TMEM190: variants seen among roughly 807,000 people sequenced by gnomAD.
TMEM190 encodes the protein transmembrane protein 190.
In TMEM190, 17 loss-of-function variants were observed where a neutral mutation model predicts 17.1. The observed-to-expected ratio is 0.99, with a 90% CI of 0.68 to 1.49. The LOEUF (loss-of-function observed/expected upper bound fraction) is 1.49. Ranked by LOEUF, TMEM190 falls within the 40% of genes most tolerant of loss-of-function variation. TMEM190 has a pLI of 0.00. For missense variants in TMEM190, 246 were observed against 245.0 expected, an observed-to-expected ratio of 1.00 and a Z score of -0.03; for synonymous variants, 101 against 103.8, an observed-to-expected ratio of 0.97 and a Z score of 0.16.
rs1028769211 is a variant in TMEM190 at position 55,377,902 on chromosome 19, A to G, written c.305+16A>G. The stretch of plus-strand genomic sequence containing the variant: ...GCTTGTTCTGGCGAGTGGGCCTGGG[A>G]TAGGGCGGGCGCCTGCACCCCCAGG... On this transcript the variant is annotated intron_variant, in intron 4 of 4. Transcript: ENST00000291934. 4.4e-6 allele frequency: 7 copies of G among 1,607,224 alleles called. No individual in the cohort carries two copies. In the Admixed American group the frequency reaches 1.2e-4, roughly 27 times the overall value.
In TMEM190 at chr19:55,377,638, C is replaced by T. The variant is rs572932668; in HGVS notation, c.140C>T (p.Ala47Val). The T allele has an allele frequency of 1.5e-5, 24 of 1,613,190 alleles. No homozygotes were observed. The Middle Eastern group carries it at 1.3e-3, about 89-fold the overall frequency. ...GACCGGGAGAGCTGTGGGGGCCAGGCGGCCATCGATAGCCCCAACCTCTGC... is the reference window on the plus strand; with the variant it reads ...GACCGGGAGAGCTGTGGGGGCCAGGTGGCCATCGATAGCCCCAACCTCTGC... ...IWDRESCGGQ[A>V]AIDSPNLCLR... The change falls in exon 3 of 5, where the codon GCG (alanine) becomes GTG (valine). Residue 47 changes from alanine (A) to valine (V), a missense_variant. Physicochemically the swap from Ala to Val is moderately conservative, Grantham distance 64. Transcript: ENST00000291934.
Position 55,378,057 on chromosome 19 carries a change from T to A in TMEM190, c.388T>A (p.Ser130Thr). ...CATGTCCAAGTCCGTCTCGCTGCTC[T>A]CCAAGCACCGAGGGACCAAGAAGAC... is the stretch of plus-strand genomic sequence containing the variant. ...CDMSKSVSLL[S>T]KHRGTKKTPS... The change falls in exon 5 of 5, where the codon TCC becomes ACC. Residue 130 changes from serine to threonine, a missense_variant. Ser to Thr is a moderately conservative substitution (Grantham distance 58). Transcript: ENST00000291934. 6.2e-7 allele frequency: 1 copy of A among 1,612,340 alleles called. No homozygotes were observed. The highest frequency in any genetic ancestry group is 8.5e-7 in the Non-Finnish European group (1 of 1,179,584).
In TMEM190 at chr19:55,377,029, G is replaced by A. The variant is rs1425518254; in HGVS notation, c.94+3G>A. 1.3e-6 allele frequency: 2 copies of A among 1,551,098 alleles called. No individual in the cohort carries two copies. Among genetic ancestry groups the A allele is most frequent in the South Asian group, 1.2e-5 (1 of 84,060 alleles). On this transcript the variant is annotated splice_donor_region_variant and intron_variant, in intron 2 of 4. Coordinates refer to ENST00000291934, the MANE Select transcript of TMEM190 (RefSeq NM_139172.3). The stretch of plus-strand genomic sequence containing the variant: ...CCAGGGATTCTTCTACCCATGGAGT[G>A]AGCAGCCGCTGAAATACTGGGTCAC...
intron 2 of TMEM190, 116 bp from the exon 3 acceptor site, chr19:55,377,477 C>T (rs966179022): frequency 4.7e-6 from 7 of 1,501,238 alleles, no homozygotes; most frequent in South Asian, 3.9e-5. Flanking sequence ...CCCCTGGGGC[C>T]CTGCACAGAG....
At position 55,377,798 on chromosome 19, in the gene TMEM190, C is replaced by T. The variant is rs1360221719; in HGVS notation, c.221-4C>T. On this transcript the variant is annotated splice_polypyrimidine_tract_variant and splice_region_variant and intron_variant, in intron 3 of 4. Transcript: ENST00000291934. ...CGGGTCTTAACCCTGCCTCCCTTGT[C>T]CAGAAAACGTGCGGAGGAAGCACAT... is the stretch of plus-strand genomic sequence containing the variant. The T allele has an allele frequency of 5.0e-6, 8 of 1,612,620 alleles. No homozygotes were observed. Among genetic ancestry groups the T allele is most frequent in the Non-Finnish European group, 6.8e-6 (8 of 1,179,782 alleles).
In TMEM190 at chr19:55,377,674, G is replaced by A. The variant is rs1048232172; in HGVS notation, c.176G>A (p.Arg59Gln). 10 of 1,613,388 alleles carry A rather than the reference G, an allele frequency of 6.2e-6. No homozygotes were observed. Among genetic ancestry groups the A allele is most frequent in the South Asian group, 3.3e-5 (3 of 91,030 alleles). ...AGCCCCAACCTCTGCCTGCGTCTCC[G>A]GTGCTGCTACCGCAATGGGGTCTGC... ...IDSPNLCLRLRCCYRNGVCYH... is the reference protein window; with the variant it reads ...IDSPNLCLRLQCCYRNGVCYH... Residue 59 changes from arginine (R) to glutamine (Q), a missense_variant, in exon 3 of 5, where the codon CGG becomes CAG. By Grantham distance (43) the Arg-to-Gln change is conservative. Coordinates refer to ENST00000291934, the MANE Select transcript of TMEM190 (RefSeq NM_139172.3).
chr19:55,377,417 G>A (rs1389491201), intron 2 of TMEM190, among the ~76,000 whole-genome samples, 176 bp from the exon 3 acceptor site: 7 of 137,244 alleles, frequency 5.1e-5, no homozygotes, highest in African/African-American at 1.7e-4. Context: ...TGAAGGAGGG[G>A]GCTGGGGCCT....
Position 55,377,822 on chromosome 19 carries a change from A to G in TMEM190, c.241A>G (p.Met81Val). The change falls in exon 4 of 5, where the codon ATG becomes GTG. Residue 81 changes from methionine to valine, a missense_variant. Transcript: ENST00000291934. ...RPDENVRRKH[M>V]WALVWTCSGL... ...TCCAGAAAACGTGCGGAGGAAGCACATGTGGGCGCTGGTCTGGACGTGCAG... is the reference window on the plus strand; with the variant it reads ...TCCAGAAAACGTGCGGAGGAAGCACGTGTGGGCGCTGGTCTGGACGTGCAG... The G allele has an allele frequency of 6.2e-7, 1 of 1,611,870 alleles. No homozygotes were observed. Among genetic ancestry groups the G allele is most frequent in the East Asian group, 2.2e-5 (1 of 44,794 alleles).
chr19:55,378,107 C>T lies in TMEM190; in HGVS notation c.438C>T (p.Val146=), dbSNP rs776467972. The T allele has an allele frequency of 1.8e-5, 29 of 1,606,578 alleles. No individual in the cohort carries two copies. Among genetic ancestry groups the T allele is most frequent in the Admixed American group, 1.5e-4 (9 of 59,566 alleles). Residue 146 remains valine (V), a synonymous_variant, in exon 5 of 5, where the codon GTC becomes GTT. Transcript: ENST00000291934. The stretch of plus-strand genomic sequence containing the variant: ...CGCCGTCCACGGGCAGCGTGCCAGT[C>T]GCCCTGTCCAAAGAGTCCAGGGATG... ...KKTPSTGSVP[V]ALSKESRDVE...
chr19:55,377,924 CA>C (rs1313778071), intron 4 of TMEM190, 38 bp downstream of exon 4: 4 of 1,606,472 alleles, frequency 2.5e-6, no homozygotes, highest in Non-Finnish European at 3.4e-6. Context: ...CCTGCACCCC[CA>C]GGGGGAGGGT....
At position 55,378,178 on chromosome 19, in the gene TMEM190, CAG is replaced by C. The variant is rs2089867972; in HGVS notation, c.512_513del (p.Glu171GlyfsTer?). 2 of 1,557,380 alleles carry C rather than the reference CAG, an allele frequency of 1.3e-6. No individual in the cohort carries two copies. The highest frequency in any genetic ancestry group is 2.4e-5 in the South Asian group (2 of 82,660). On this transcript the variant is annotated frameshift_variant, in exon 5 of 5. Transcript: ENST00000291934. LOFTEE classifies it high-confidence loss of function. ...GAAGGGACGGAGGAGGGTGAGGAGA[CAG>C]AGGGCGAGGAAGAGGAGGATTAGGG...
chr19:55,377,051 T>A (rs575331308), intron 2 of TMEM190, 25 bp downstream of exon 2: 2 of 1,551,028 alleles, frequency 1.3e-6, no homozygotes, highest in African/African-American at 2.7e-5. Flanking sequence ...AAATACTGGG[T>A]CACCCAGGGA....
In TMEM190 at chr19:55,378,117, A is replaced by G. The variant is rs116072392; in HGVS notation, c.448A>G (p.Lys150Glu). The G allele has an allele frequency of 6.8e-4, 1,097 of 1,604,920 alleles. 9 individuals are homozygous for G. The African/African-American group carries it at 0.013, about 19-fold the overall frequency. The change falls in exon 5 of 5, where the codon AAA (lysine) becomes GAA (glutamate). Residue 150 changes from lysine to glutamate, a missense_variant. Physicochemically the swap from Lys to Glu is moderately conservative, Grantham distance 56 (BLOSUM62 1). Coordinates refer to ENST00000291934, the MANE Select transcript of TMEM190 (RefSeq NM_139172.3). ...GGGCAGCGTGCCAGTCGCCCTGTCC[A>G]AAGAGTCCAGGGATGTGGAGGGAGG... ...STGSVPVALS[K>E]ESRDVEGGTE...
chr19:55,376,986 C>T lies in TMEM190; in HGVS notation c.59-5C>T, dbSNP rs956364162. 6.4e-6 allele frequency: 10 copies of T among 1,551,580 alleles called. No individual in the cohort carries two copies. Among genetic ancestry groups the T allele is most frequent in the East Asian group, 2.4e-5 (1 of 40,998 alleles). On this transcript the variant is annotated splice_region_variant and splice_polypyrimidine_tract_variant and intron_variant, in intron 1 of 4. Transcript: ENST00000291934. ...ACAGCCCTAACACTGCCCTTTCTCT[C>T]GCAGACGGAAATGGAATCCAGGGAT... is the stretch of plus-strand genomic sequence containing the variant.
chr19:55,377,674 G>T lies in TMEM190; in HGVS notation c.176G>T (p.Arg59Leu). 2 of 1,613,388 alleles carry T rather than the reference G, an allele frequency of 1.2e-6. No homozygotes were observed. The highest frequency in any genetic ancestry group is 1.7e-6 in the Non-Finnish European group (2 of 1,179,640). Residue 59 changes from arginine (R) to leucine (L), a missense_variant, in exon 3 of 5, where the codon CGG (arginine) becomes CTG (leucine). Coordinates refer to ENST00000291934, the MANE Select transcript of TMEM190 (RefSeq NM_139172.3). ...IDSPNLCLRL[R>L]CCYRNGVCYH... The stretch of plus-strand genomic sequence containing the variant: ...AGCCCCAACCTCTGCCTGCGTCTCC[G>T]GTGCTGCTACCGCAATGGGGTCTGC...
In TMEM190 at chr19:55,377,036, C is replaced by A; in HGVS notation, c.94+10C>A. The A allele has an allele frequency of 1.9e-6, 3 of 1,551,270 alleles. No individual in the cohort carries two copies. Among genetic ancestry groups the A allele is most frequent in the Non-Finnish European group, 2.6e-6 (3 of 1,146,936 alleles). On this transcript the variant is annotated intron_variant, in intron 2 of 4. Transcript: ENST00000291934. ...TTCTTCTACCCATGGAGTGAGCAGC[C>A]GCTGAAATACTGGGTCACCCAGGGA...
chr19:55,377,767 G>C, intron 3 of TMEM190, 35 bp from the exon 4 acceptor site: 1 of 1,612,524 alleles, frequency 6.2e-7, no homozygotes, highest in South Asian at 1.1e-5. Context: ...TGGCGGTCGG[G>C]AGCCCCGGGT....
Position 55,376,978 on chromosome 19 carries a change from C to G in TMEM190, c.59-13C>G, listed in dbSNP as rs1306344406. 3.9e-6 allele frequency: 6 copies of G among 1,551,818 alleles called. No individual in the cohort carries two copies. The highest frequency in any genetic ancestry group is 1.7e-6 in the Non-Finnish European group (2 of 1,147,194). On this transcript the variant is annotated splice_polypyrimidine_tract_variant and intron_variant, in intron 1 of 4. Transcript: ENST00000291934. ...GGCTCCACACAGCCCTAACACTGCC[C>G]TTTCTCTCGCAGACGGAAATGGAAT...
Position 55,377,666 on chromosome 19 carries a change from G to T in TMEM190, c.168G>T (p.Leu56=). The T allele has an allele frequency of 6.2e-7, 1 of 1,613,514 alleles. No homozygotes were observed. Among genetic ancestry groups the T allele is most frequent in the South Asian group, 1.1e-5 (1 of 91,048 alleles). ...CCATCGATAGCCCCAACCTCTGCCT[G>T]CGTCTCCGGTGCTGCTACCGCAATG... is the stretch of plus-strand genomic sequence containing the variant. ...QAAIDSPNLC[L]RLRCCYRNGV... Residue 56 remains leucine, a synonymous_variant, in exon 3 of 5, where the codon CTG becomes CTT. Coordinates refer to ENST00000291934, the MANE Select transcript of TMEM190 (RefSeq NM_139172.3).
Sources: allele counts gnomAD v4.1 joint callset (sites outside exome capture counted in the v4.1 genomes callset), GRCh38; gene constraint gnomAD v4.1.1; transcripts MANE v1.5; gene names NCBI Gene and HGNC (gene_info 2026-07-23, HGNC 2026-07-21).